The following ZPBP variants were observed in gnomAD, a reference collection of about 807,000 sequenced individuals.
The protein encoded by ZPBP is zona pellucida-binding protein 1.
A neutral mutation model predicts 44.8 loss-of-function variants in ZPBP; 26 were observed. The ratio of observed to expected loss-of-function variants is 0.58; its 90% confidence interval spans 0.43 to 0.81. ZPBP has a LOEUF of 0.81. Ranked by LOEUF, ZPBP falls within the 30% of genes least tolerant of loss-of-function variation. The pLI is 0.00. For missense variants in ZPBP, 409 were observed against 434.0 expected (o/e 0.94, Z 0.51); for synonymous variants, 174 against 153.2 (o/e 1.14, Z -1.00).
chr7:49,850,323 C>T (rs1790125733), downstream of ZPBP: 1 of 152,244 alleles, frequency 6.6e-6, no homozygotes, highest in Non-Finnish European at 1.5e-5. Flanking sequence ...TTGTTTAACA[C>T]ACCTGCCATC....
chr7:50,062,685 T>C (rs1801302122), intron 3 of ZPBP, among the ~76,000 whole-genome samples: 1 of 152,146 alleles, frequency 6.6e-6, no homozygotes, highest in Non-Finnish European at 1.5e-5. Flanking sequence ...GCAAGATGAC[T>C]TAAAGACTCC....
chr7:50,062,621 C>T (rs1042409932), intron 3 of ZPBP, among the ~76,000 whole-genome samples: 14 of 152,094 alleles, frequency 9.2e-5, no homozygotes, highest in Admixed American at 5.9e-4. Flanking sequence ...TGCCTAGCCA[C>T]GTGCACAAGA....
At chr7:49,931,756 A>G (rs891238147) in intron 1 of ZPBP, among the ~76,000 whole-genome samples, 1 of 152,254 alleles carries the variant, frequency 6.6e-6, no homozygotes, top group Non-Finnish European at 1.5e-5. Flanking sequence ...TAATGTCTCC[A>G]GGGCATGTCA....
At chr7:49,849,979 G>T (rs1228926574), downstream of ZPBP, among the ~76,000 whole-genome samples, 1 of 152,080 alleles carries the variant, frequency 6.6e-6, no homozygotes, top group East Asian at 1.9e-4. Context: ...ACCACAGCAG[G>T]GTGTGGAGGA....
chr7:50,055,157 T>C (rs1292994310), intron 4 of ZPBP, among the ~76,000 whole-genome samples: 1 of 151,984 alleles, frequency 6.6e-6, no homozygotes, highest in Admixed American at 6.5e-5. Context: ...GTTAGTATGG[T>C]GGGGGGTATG....
At chr7:49,843,491 C>T in the ZPBP span, among the ~76,000 whole-genome samples, 1 of 152,158 alleles carries the variant, frequency 6.6e-6, no homozygotes, top group African/African-American at 2.4e-5. Context: ...AGCAGAGGTC[C>T]AGCTTACAAG....
intron 2 of ZPBP, among the ~76,000 whole-genome samples, chr7:49,856,902 G>A (rs955111391): frequency 3.3e-5 from 5 of 150,778 alleles, no homozygotes; most frequent in Admixed American, 2.0e-4. Context: ...CCAGCTACTC[G>A]GGAGGCTGAG....
At chr7:49,875,530 T>TGTG (rs1293059867) in intron 2 of ZPBP, among the ~76,000 whole-genome samples, 1 of 151,946 alleles carries the variant, frequency 6.6e-6, no homozygotes, top group East Asian at 1.9e-4. Context: ...GTCCTTGGTG[T>TGTG]GTGGCTGGAG....
At chr7:49,974,092 A>C (rs1562812081) in intron 7 of ZPBP, among the ~76,000 whole-genome samples, 1 of 152,214 alleles carries the variant, frequency 6.6e-6, no homozygotes, top group Non-Finnish European at 1.5e-5. Flanking sequence ...AAAGTAGACA[A>C]ATTCATAGAG....
chr7:49,877,481 A>AAAATATATAC, intron 2 of ZPBP, among the ~76,000 whole-genome samples: 2 of 12,722 alleles, frequency 1.6e-4, no homozygotes, highest in Admixed American at 2.8e-3. Flanking sequence ...AAAAAAAAAA[A>AAAATATATAC]ATATATATAT....
At chr7:49,917,164 A>C (rs1356244336) in intron 1 of ZPBP, 2 of 152,178 alleles carry the variant, frequency 1.3e-5, no homozygotes, top group Non-Finnish European at 2.9e-5. Flanking sequence ...TACAATAATG[A>C]GCTGAGTCAT....
intron 5 of ZPBP, among the ~76,000 whole-genome samples, chr7:50,022,854 G>T (rs1020217667): frequency 6.6e-6 from 1 of 152,014 alleles, no homozygotes; most frequent in Admixed American, 6.6e-5. Context: ...ATAATTGAGG[G>T]ACTGCTAAGA....
intron 2 of ZPBP, among the ~76,000 whole-genome samples, chr7:49,896,356 T>C (rs1456702442): frequency 1.3e-5 from 2 of 151,972 alleles, no homozygotes; most frequent in African/African-American, 4.8e-5. Context: ...AAGGAAAGTA[T>C]AACACATCAC....
intron 5 of ZPBP, among the ~76,000 whole-genome samples, chr7:50,021,017 T>C (rs924385692): frequency 6.6e-6 from 1 of 151,930 alleles, no homozygotes; most frequent in Non-Finnish European, 1.5e-5. Context: ...CTACAACTCA[T>C]ACAAGCAAGA....
chr7:49,953,179 A>C (rs1455246925), intron 7 of ZPBP, among the ~76,000 whole-genome samples: 1 of 152,280 alleles, frequency 6.6e-6, no homozygotes. Flanking sequence ...TAAGGAGACC[A>C]ACCTAAGAGT....
chr7:49,887,984 GCCCTTCACAA>G (rs11280038), intron 2 of ZPBP, among the ~76,000 whole-genome samples: 2,740 of 152,224 alleles, frequency 0.018, 88 homozygotes, highest in African/African-American at 0.062. Flanking sequence ...ACAATGCATT[GCCCTTCACAA>G]CCACTTGGTA....
At chr7:50,003,834 A>G (rs930493598) in intron 6 of ZPBP, among the ~76,000 whole-genome samples, 7 of 152,186 alleles carry the variant, frequency 4.6e-5, no homozygotes, top group African/African-American at 1.7e-4. Context: ...AAAAAATTGC[A>G]CATTCCACAG....
At chr7:49,944,612 G>GT (rs1199544221) in intron 7 of ZPBP, among the ~76,000 whole-genome samples, 1 of 152,116 alleles carries the variant, frequency 6.6e-6, no homozygotes, top group Non-Finnish European at 1.5e-5. Context: ...TTGGTAGGCT[G>GT]TATCTGTCTG....
chr7:50,089,510 A>C, intron 2 of ZPBP, 119 bp downstream of exon 2: 1 of 757,678 alleles, frequency 1.3e-6, no homozygotes, highest in East Asian at 2.7e-5. Context: ...CTTCTGTAGA[A>C]AGAAAAGGGC....
Sources: gnomAD v4.1 joint callset for allele counts (sites outside exome capture counted in the v4.1 genomes callset) on GRCh38, gnomAD v4.1.1 for gene constraint, MANE v1.5 for transcripts, NCBI Gene and HGNC (gene_info 2026-07-23, HGNC 2026-07-21) for gene names.